CCSER1: variants seen among roughly 807,000 people sequenced by gnomAD.
The protein encoded by CCSER1 is coiled-coil serine rich protein 1, also known as serine-rich coiled-coil domain-containing protein 1.
CCSER1 carries 41 observed loss-of-function variants against 82.0 expected under a neutral mutation model. The ratio of observed to expected loss-of-function variants is 0.50; its 90% CI spans 0.39 to 0.65. CCSER1 has a LOEUF of 0.65. CCSER1 is among the 30% of genes least tolerant of loss of function. The probability of loss-of-function intolerance (pLI) is 0.00; values close to 1 mark genes in which losing one functional copy is unlikely to be tolerated. For missense variants in CCSER1, 1,119 were observed against 1,064.2 expected (o/e 1.05, Z -0.72); for synonymous variants, 414 against 383.9 (o/e 1.08, Z -0.92).
chr4:90,339,039 A>G (rs1416726601), intron 3 of CCSER1, among the ~76,000 whole-genome samples: 1 of 152,184 alleles, frequency 6.6e-6, no homozygotes, highest in East Asian at 1.9e-4. Context: ...GGTTTGTTGT[A>G]GTTTTCATAA....
intron 10 of CCSER1, among the ~76,000 whole-genome samples, chr4:91,381,018 C>T (rs1725546054): frequency 6.6e-6 from 1 of 152,046 alleles, no homozygotes; most frequent in Non-Finnish European, 1.5e-5. Flanking sequence ...CTTATTTTGG[C>T]TGGTTATGAA....
At chr4:90,555,620 A>C (rs954143429) in intron 5 of CCSER1, among the ~76,000 whole-genome samples, 8 of 152,090 alleles carry the variant, frequency 5.3e-5, no homozygotes, top group Non-Finnish European at 1.5e-5. Flanking sequence ...GATAAAGGAC[A>C]CACAGAATAA....
In CCSER1 at chr4:90,524,139, A is replaced by G. The variant is rs539826872; in HGVS notation, c.1724+55785A>G. 5.3e-5 allele frequency among the ~76,000 whole-genome samples: 8 copies of G among 152,344 alleles called. No homozygotes were observed. The East Asian group carries it at 1.3e-3, about 26-fold the overall frequency. On this transcript the variant is annotated intron_variant, in intron 5 of 10. Transcript: ENST00000509176. ...TGGGGAGAAATTCTGAGAATGAGTTAGAACTGTTTTAATCTTTTTGTCTGA... is the reference window on the plus strand; with the variant it reads ...TGGGGAGAAATTCTGAGAATGAGTTGGAACTGTTTTAATCTTTTTGTCTGA...
chr4:90,741,156 T>C (rs1174544946), intron 7 of CCSER1, among the ~76,000 whole-genome samples: 1 of 152,142 alleles, frequency 6.6e-6, no homozygotes, highest in East Asian at 1.9e-4. Context: ...GCTAGCAAAA[T>C]TTTATAGCCA....
chr4:91,337,747 G>A (rs1747419702), intron 10 of CCSER1, among the ~76,000 whole-genome samples: 1 of 152,012 alleles, frequency 6.6e-6, no homozygotes, highest in Admixed American at 6.6e-5. Flanking sequence ...AAGAACTAGG[G>A]ATATTCTGTA....
chr4:90,407,318 T>A (rs182294949), intron 4 of CCSER1, among the ~76,000 whole-genome samples: 37 of 152,278 alleles, frequency 2.4e-4, no homozygotes, highest in African/African-American at 8.9e-4. Context: ...ATATAAAATC[T>A]CTGAACAGAC....
At chr4:90,465,584 T>G (rs1169633624) in intron 4 of CCSER1, among the ~76,000 whole-genome samples, 1 of 152,196 alleles carries the variant, frequency 6.6e-6, no homozygotes, top group African/African-American at 2.4e-5. Context: ...TTACCTGGTC[T>G]ATTTTTTATA....
rs375837653 is a variant in CCSER1, at chr4:91,530,749, G to A, written c.2218-67823G>A. On this transcript the variant is annotated intron_variant, in intron 10 of 10. Transcript: ENST00000509176. ...CCCAGGGCGGACAGAGTGCACTGGT[G>A]TGATCTCGGCTAACCACAACCTCCG... 3.0e-3 allele frequency among the ~76,000 whole-genome samples: 451 copies of A among 151,136 alleles called. 5 individuals are homozygous for A. The highest frequency in any genetic ancestry group is 9.9e-3 in the African/African-American group (410 of 41,230).
At chr4:91,439,319 C>T (rs1754934720) in intron 10 of CCSER1, among the ~76,000 whole-genome samples, 1 of 151,966 alleles carries the variant, frequency 6.6e-6, no homozygotes. Flanking sequence ...AGAGTGGGGG[C>T]CAATATTCAA....
chr4:91,276,953 A>G (rs1377273084), intron 10 of CCSER1, among the ~76,000 whole-genome samples: 2 of 152,086 alleles, frequency 1.3e-5, no homozygotes, highest in African/African-American at 4.8e-5. Flanking sequence ...GATACATGAC[A>G]TTTATTGATT....
intron 1 of CCSER1, among the ~76,000 whole-genome samples, chr4:90,242,108 A>G (rs1746971392): frequency 6.6e-6 from 1 of 152,178 alleles, no homozygotes; most frequent in Non-Finnish European, 1.5e-5. Flanking sequence ...GGAGTTCAAG[A>G]CCAGCCTGGC....
chr4:90,445,229 C>G (rs1304287319), intron 4 of CCSER1, among the ~76,000 whole-genome samples: 3 of 152,004 alleles, frequency 2.0e-5, no homozygotes, highest in Non-Finnish European at 2.9e-5. Flanking sequence ...GTTTTCATAC[C>G]AAGAATCTGG....
At chr4:90,954,474 A>G (rs1293089418) in intron 9 of CCSER1, among the ~76,000 whole-genome samples, 1 of 152,090 alleles carries the variant, frequency 6.6e-6, no homozygotes, top group African/African-American at 2.4e-5. Context: ...AAAGATGATT[A>G]TATTAGTGAA....
intron 10 of CCSER1, among the ~76,000 whole-genome samples, chr4:91,397,003 C>T (rs1195737550): frequency 6.6e-6 from 1 of 152,018 alleles, no homozygotes; most frequent in Non-Finnish European, 1.5e-5. Context: ...CACACTTCTG[C>T]CTAGCCAAGC....
chr4:90,477,326 G>A (rs546888403), intron 5 of CCSER1, among the ~76,000 whole-genome samples: 3 of 152,252 alleles, frequency 2.0e-5, no homozygotes, highest in East Asian at 3.9e-4. Flanking sequence ...AGCAAGGAGC[G>A]GGTACTACTG....
chr4:90,210,291 C>A (rs1000344375), intron 1 of CCSER1, among the ~76,000 whole-genome samples: 13 of 152,076 alleles, frequency 8.5e-5, no homozygotes, highest in African/African-American at 2.9e-4. Flanking sequence ...TTTGAAAAAT[C>A]TACACAAAAA....
intron 10 of CCSER1, among the ~76,000 whole-genome samples, chr4:91,355,832 C>A (rs576083361): frequency 3.3e-5 from 5 of 152,178 alleles, no homozygotes; most frequent in South Asian, 2.1e-4. Context: ...AGAGGTTGGG[C>A]CTACTAGAAT....
intron 5 of CCSER1, among the ~76,000 whole-genome samples, chr4:90,550,018 A>T (rs1211609078): frequency 6.6e-6 from 1 of 152,160 alleles, no homozygotes; most frequent in East Asian, 1.9e-4. Flanking sequence ...GAACAAAAAA[A>T]AATTCTTTTA....
At chr4:90,129,001 C>G (rs936834746) in intron 1 of CCSER1, among the ~76,000 whole-genome samples, 1 of 152,088 alleles carries the variant, frequency 6.6e-6, no homozygotes, top group Non-Finnish European at 1.5e-5. Context: ...GTTTTTATGT[C>G]CTCTTCTCCA....
Sources: gnomAD v4.1 joint callset for allele counts (sites outside exome capture counted in the v4.1 genomes callset) on GRCh38, gnomAD v4.1.1 for gene constraint, MANE v1.5 for transcripts, NCBI Gene and HGNC (gene_info 2026-07-23, HGNC 2026-07-21) for gene names.